The following CTNND2 variants were observed in gnomAD, a reference collection of about 807,000 sequenced individuals.
The protein encoded by CTNND2 is catenin delta-2.
In CTNND2, 22 loss-of-function variants were observed where a neutral mutation model predicts 144.4. The observed-to-expected ratio is 0.15, with a 90% CI of 0.11 to 0.22. CTNND2 has a LOEUF of 0.22. Ranked by LOEUF, CTNND2 falls within the 10% of genes least tolerant of loss-of-function variation. CTNND2 has a pLI of 1.00. For missense variants in CTNND2, 1,353 were observed against 1,618.8 expected (o/e 0.84, Z 2.82); for synonymous variants, 751 against 695.6 (o/e 1.08, Z -1.25).
intron 2 of CTNND2, among the ~76,000 whole-genome samples, chr5:11,695,839 T>A (rs537335297): frequency 5.8e-4 from 88 of 152,310 alleles, no homozygotes; most frequent in African/African-American, 2.0e-3. Context: ...ATATTACATA[T>A]TAAAATTGTG....
intron 2 of CTNND2, among the ~76,000 whole-genome samples, chr5:11,596,221 A>C (rs1779496396): frequency 6.6e-6 from 1 of 152,204 alleles, no homozygotes; most frequent in South Asian, 2.1e-4. Flanking sequence ...TTGTTTGACT[A>C]CTAAGAATAC....
intron 16 of CTNND2, among the ~76,000 whole-genome samples, chr5:11,046,252 A>G (rs778284681): frequency 1.3e-5 from 2 of 152,168 alleles, no homozygotes; most frequent in African/African-American, 4.8e-5. Context: ...GAAAGGGGAA[A>G]TTTGGATCCA....
chr5:11,783,260 C>A (rs925226608), intron 1 of CTNND2, among the ~76,000 whole-genome samples: 5 of 152,260 alleles, frequency 3.3e-5, no homozygotes, highest in Middle Eastern at 3.4e-3. Context: ...CAGTATACTG[C>A]AGATTTGCTT....
intron 1 of CTNND2, among the ~76,000 whole-genome samples, chr5:11,750,033 G>A (rs1405504225): frequency 6.6e-6 from 1 of 151,884 alleles, no homozygotes; most frequent in African/African-American, 2.4e-5. Context: ...CCAGTATTCT[G>A]GCACTTGACT....
intron 11 of CTNND2, among the ~76,000 whole-genome samples, chr5:11,197,844 C>T (rs1328474461): frequency 6.6e-6 from 1 of 152,226 alleles, no homozygotes; most frequent in African/African-American, 2.4e-5. Context: ...TTCTGGCAAT[C>T]AGGGAAGCCA....
At chr5:11,097,705 G>A (rs1397279875) in intron 15 of CTNND2, among the ~76,000 whole-genome samples, 1 of 152,110 alleles carries the variant, frequency 6.6e-6, no homozygotes, top group Non-Finnish European at 1.5e-5. Context: ...AGCTTCTGAT[G>A]TCCGTGTGTA....
intron 9 of CTNND2, among the ~76,000 whole-genome samples, chr5:11,250,584 G>A (rs1451989272): frequency 6.8e-6 from 1 of 146,172 alleles, no homozygotes; most frequent in Non-Finnish European, 1.5e-5. Context: ...GTGGTGGATC[G>A]TAGCTCACTG....
rs372067963 is a variant in CTNND2, at chr5:11,094,035, C to G, written c.2637+4540G>C. The stretch of plus-strand genomic sequence containing the variant: ...AAAGATGATGATAATGTGACTGATC[C>G]CTATATGTGTACTTGTATTTTGATA... On this transcript the variant is annotated intron_variant, in intron 15 of 21. Coordinates refer to ENST00000304623, the MANE Select transcript of CTNND2 (RefSeq NM_001332.4). Among the ~76,000 whole-genome samples the G allele has an allele frequency of 3.9e-5, 6 of 152,120 alleles. No homozygotes were observed. In the East Asian group the frequency reaches 1.2e-3, roughly 29 times the overall value.
intron 2 of CTNND2, among the ~76,000 whole-genome samples, chr5:11,610,702 G>A (rs945697822): frequency 6.6e-6 from 1 of 152,158 alleles, no homozygotes; most frequent in African/African-American, 2.4e-5. Context: ...AATATCCAGA[G>A]AGTTCTATTT....
chr5:11,738,454 A>G (rs1057428978), intron 1 of CTNND2, among the ~76,000 whole-genome samples: 1 of 152,202 alleles, frequency 6.6e-6, no homozygotes, highest in Non-Finnish European at 1.5e-5. Context: ...CCCAAATAGG[A>G]GTCTCTATAA....
intron 1 of CTNND2, among the ~76,000 whole-genome samples, chr5:11,853,515 C>T (rs1795112633): frequency 6.6e-6 from 1 of 152,126 alleles, no homozygotes. Context: ...TGATGAATCT[C>T]AAGTCACTGC....
At chr5:11,639,864 T>G (rs1056970713) in intron 2 of CTNND2, among the ~76,000 whole-genome samples, 7 of 152,354 alleles carry the variant, frequency 4.6e-5, no homozygotes, top group Non-Finnish European at 8.8e-5. Flanking sequence ...TTACCTATGA[T>G]GCATGTTGCT....
chr5:11,337,635 T>C (rs188985752), intron 9 of CTNND2, among the ~76,000 whole-genome samples: 9 of 152,290 alleles, frequency 5.9e-5, no homozygotes, highest in Non-Finnish European at 1.3e-4. Flanking sequence ...GTAATACAAA[T>C]TACTGATAAA....
intron 3 of CTNND2, among the ~76,000 whole-genome samples, chr5:11,469,482 G>A (rs1766967246): frequency 6.6e-6 from 1 of 152,118 alleles, no homozygotes; most frequent in Non-Finnish European, 1.5e-5. Context: ...ATTTATTGGA[G>A]CACCAGGGCC....
chr5:11,128,741 T>TTTTATATATTA (rs1754952041), intron 12 of CTNND2, among the ~76,000 whole-genome samples: 1 of 61,980 alleles, frequency 1.6e-5, no homozygotes, highest in Non-Finnish European at 2.6e-5. Flanking sequence ...ATATATATAT[T>TTTTATATATTA]TATATATATT....
At chr5:11,525,451 G>A (rs76410097) in intron 3 of CTNND2, among the ~76,000 whole-genome samples, 11,212 of 151,746 alleles carry the variant, frequency 0.074, 1,411 homozygotes, top group African/African-American at 0.26. Flanking sequence ...TTTAGGAAGA[G>A]GTTAAATTTA....
chr5:11,541,836 C>T (rs991945095), intron 3 of CTNND2, among the ~76,000 whole-genome samples: 2 of 132,040 alleles, frequency 1.5e-5, no homozygotes, highest in Non-Finnish European at 3.2e-5. Context: ...TATTTATTAT[C>T]GACCCCCCCC....
intron 1 of CTNND2, among the ~76,000 whole-genome samples, chr5:11,767,071 A>G (rs995061034): frequency 2.6e-5 from 4 of 152,120 alleles, no homozygotes; most frequent in African/African-American, 4.8e-5. Flanking sequence ...TAGTTAGTAC[A>G]CCAGCAGCAT....
chr5:11,471,446 T>C (rs1023859114), intron 3 of CTNND2, among the ~76,000 whole-genome samples: 6 of 152,222 alleles, frequency 3.9e-5, no homozygotes, highest in African/African-American at 1.4e-4. Flanking sequence ...AATCAAGGAC[T>C]GATTATACTC....
Sources: gnomAD v4.1 joint callset for allele counts (sites outside exome capture counted in the v4.1 genomes callset) on GRCh38, gnomAD v4.1.1 for gene constraint, MANE v1.5 for transcripts, NCBI Gene and HGNC (gene_info 2026-07-23, HGNC 2026-07-21) for gene names.